STAT1: variants seen among roughly 807,000 people sequenced by gnomAD.
STAT1 encodes signal transducer and activator of transcription 1-alpha/beta.
STAT1 carries 24 observed loss-of-function variants against 111.7 expected under a neutral mutation model. That is an observed-to-expected ratio of 0.21 (90% CI 0.16 to 0.30). STAT1 has a LOEUF of 0.30. STAT1 is among the 10% of genes least tolerant of loss of function. STAT1 has a pLI of 1.00. For missense variants in STAT1, 351 were observed against 911.9 expected (o/e 0.38, Z 7.92); for synonymous variants, 332 against 326.5 (o/e 1.02, Z -0.18).
chr2:190,974,765 G>A lies in STAT1; in HGVS notation c.2238+65C>T, dbSNP rs1691771608. 4.2e-6 allele frequency: 6 copies of A among 1,413,292 alleles called. No individual in the cohort carries two copies. Among genetic ancestry groups the A allele is most frequent in the Non-Finnish European group, 2.0e-6 (2 of 998,260 alleles). The allele number at this position is 1,413,292 out of a possible 1,614,324, so 87.5% of individuals were successfully genotyped here. On this transcript the variant is annotated intron_variant, in intron 24 of 24. Transcript: ENST00000361099. This position sits in a 1 kb window ranked among gnomAD's most constrained non-coding sequence, Gnocchi z 4.8. ...AGACAGGCCCGGGATCTGCCATGGT[G>A]CGCTCCCTGCCTCTGAGCACACACA...
chr2:190,988,733 C>G (rs1693072275), intron 12 of STAT1, among the ~76,000 whole-genome samples: 1 of 151,988 alleles, frequency 6.6e-6, no homozygotes. Flanking sequence ...ACCGATATAC[C>G]AAAGATGATG....
chr2:191,001,298 A>G (rs1694251088), intron 5 of STAT1, 135 bp from the exon 6 acceptor site: 2 of 728,852 alleles, frequency 2.7e-6, no homozygotes, highest in South Asian at 3.0e-5. Flanking sequence ...TTATGTGTCA[A>G]TATGAAATTT....
Position 190,983,489 on chromosome 2 carries a change from A to G in STAT1, c.1446+153T>C, listed in dbSNP as rs1415387295. On this transcript the variant is annotated intron_variant, in intron 17 of 24. Coordinates refer to ENST00000361099, the MANE Select transcript of STAT1 (RefSeq NM_007315.4). This position sits in a 1 kb window ranked among gnomAD's most constrained non-coding sequence, Gnocchi z 5.7. ...TTTCAAATACATATCCATGCTTCAT[A>G]TTCCCAGATTTACTCAAAAGCCTTA... 2.6e-5 allele frequency among the ~76,000 whole-genome samples: 4 copies of G among 152,240 alleles called. No individual in the cohort carries two copies. The highest frequency in any genetic ancestry group is 5.9e-5 in the Non-Finnish European group (4 of 68,040).
Position 190,985,673 on chromosome 2 carries a change from T to C in STAT1, c.1222-13A>G, listed in dbSNP as rs746635798. 13 of 1,613,834 alleles carry C rather than the reference T, an allele frequency of 8.1e-6. No individual in the cohort carries two copies. The South Asian group carries it at 1.4e-4, about 18-fold the overall frequency. On this transcript the variant is annotated splice_polypyrimidine_tract_variant and intron_variant, in intron 14 of 24. Transcript: ENST00000361099. ...GTTCTTTCAATTGCTATAAAACAAA[T>C]AATCATCTTAGTAAACACCATGGTA... is the stretch of plus-strand genomic sequence containing the variant.
At chr2:190,991,788 T>C (rs373502328) in intron 10 of STAT1, among the ~76,000 whole-genome samples, 308 of 151,670 alleles carry the variant, frequency 2.0e-3, no homozygotes, top group African/African-American at 7.2e-3. Context: ...GCCCAGGAGG[T>C]TGAGGCTGAA....
At position 190,974,812 on chromosome 2, in the gene STAT1, G is replaced by A. The variant is rs1369745586; in HGVS notation, c.2238+18C>T. 17 of 1,603,150 alleles carry A rather than the reference G, an allele frequency of 1.1e-5. No homozygotes were observed. The highest frequency in any genetic ancestry group is 1.4e-5 in the Non-Finnish European group (16 of 1,170,266). ...CACACTTATTGAGAGCTACACACAG[G>A]CCAGCCGTGGTACTCACCATACTGT... is the stretch of plus-strand genomic sequence containing the variant. On this transcript the variant is annotated intron_variant, in intron 24 of 24. Transcript: ENST00000361099. This position sits in a 1 kb window ranked among gnomAD's most constrained non-coding sequence, Gnocchi z 4.8.
At position 191,004,971 on chromosome 2, in the gene STAT1, T is replaced by C. The variant is rs1480176586; in HGVS notation, c.372+2592A>G. 6.6e-6 allele frequency among the ~76,000 whole-genome samples: 1 copy of C among 152,230 alleles called. No homozygotes were observed. The highest frequency in any genetic ancestry group is 2.4e-5 in the African/African-American group (1 of 41,458). On this transcript the variant is annotated intron_variant, in intron 5 of 24. Coordinates refer to ENST00000361099, the MANE Select transcript of STAT1 (RefSeq NM_007315.4). The surrounding 1 kb of genome is among the most constrained non-coding windows in gnomAD (Gnocchi z 5.0). ...AAAAAAGAAAGAAAAAAACTTAGTGTGCTGTAAGACAGCACACGAAACATT... is the reference window on the plus strand; with the variant it reads ...AAAAAAGAAAGAAAAAAACTTAGTGCGCTGTAAGACAGCACACGAAACATT...
In STAT1 at chr2:190,990,143, G is replaced by A. The variant is rs115677142; in HGVS notation, c.1038-469C>T. On this transcript the variant is annotated intron_variant, in intron 11 of 24. Coordinates refer to ENST00000361099, the MANE Select transcript of STAT1 (RefSeq NM_007315.4). This position sits in a 1 kb window ranked among gnomAD's most constrained non-coding sequence, Gnocchi z 5.1. ...GCGTCCCATCTATAGTCACCCCAGG[G>A]TAGCATGGAAAGATGGAGGGCAGGT... Among the ~76,000 whole-genome samples the A allele has an allele frequency of 1.3e-5, 2 of 152,170 alleles. No individual in the cohort carries two copies. The highest frequency in any genetic ancestry group is 1.9e-4 in the East Asian group (1 of 5,204).
chr2:190,975,690 C>A lies in STAT1; in HGVS notation c.2135+122G>T. The stretch of plus-strand genomic sequence containing the variant: ...AGTAACACGGGGATCTCAACAAGTT[C>A]AGCTGTGATGGCGATAGCAATTACA... On this transcript the variant is annotated intron_variant, in intron 23 of 24. Coordinates refer to ENST00000361099, the MANE Select transcript of STAT1 (RefSeq NM_007315.4). This position sits in a 1 kb window ranked among gnomAD's most constrained non-coding sequence, Gnocchi z 5.9. The A allele has an allele frequency of 6.5e-7, 1 of 1,528,814 alleles. No homozygotes were observed. The highest frequency in any genetic ancestry group is 8.8e-7 in the Non-Finnish European group (1 of 1,137,842). 94.7% of individuals were successfully genotyped at this position (1,528,814 alleles called of 1,614,324 possible). A position where few individuals can be genotyped will look rare whatever the true frequency, so the allele number is the denominator to read the frequency against.
chr2:190,974,750 G>T lies in STAT1; in HGVS notation c.2238+80C>A. The stretch of plus-strand genomic sequence containing the variant: ...AGGGCTCCCTCCCGCAGACAGGCCC[G>T]GGATCTGCCATGGTGCGCTCCCTGC... On this transcript the variant is annotated intron_variant, in intron 24 of 24. Transcript: ENST00000361099. This position sits in a 1 kb window ranked among gnomAD's most constrained non-coding sequence, Gnocchi z 4.8. The T allele has an allele frequency of 7.8e-7, 1 of 1,282,630 alleles. No individual in the cohort carries two copies. 79.5% of individuals were successfully genotyped at this position (1,282,630 alleles called of 1,614,324 possible).
Position 191,000,968 on chromosome 2 carries a change from C to G in STAT1, c.462+106G>C, listed in dbSNP as rs562876893. The G allele has an allele frequency of 2.2e-5, 22 of 980,288 alleles. No individual in the cohort carries two copies. In the African/African-American group the frequency reaches 3.2e-4, roughly 14 times the overall value. The allele number at this position is 980,288 out of a possible 1,614,324, so 60.7% of individuals were successfully genotyped here. A position where few individuals can be genotyped will look rare whatever the true frequency, so the allele number is the denominator to read the frequency against. On this transcript the variant is annotated intron_variant, in intron 6 of 24. Transcript: ENST00000361099. This position sits in a 1 kb window ranked among gnomAD's most constrained non-coding sequence, Gnocchi z 4.8. The stretch of plus-strand genomic sequence containing the variant: ...TCTGCAAAATTTTTCTTCCCAACTA[C>G]TTAAAAGACTGAACTCAGTTACGAG...
rs1291631033 is a variant in STAT1 at position 191,012,588 on chromosome 2, T to C, written c.-2+937A>G. Among the ~76,000 whole-genome samples the C allele has an allele frequency of 3.9e-5, 6 of 152,168 alleles. No individual in the cohort carries two copies. The highest frequency in any genetic ancestry group is 6.5e-5 in the Admixed American group (1 of 15,270). ...TCCACTCCATCCCAAGACCTGCTCC[T>C]TCCTGTCTCCAACATTCTACCTTCC... is the stretch of plus-strand genomic sequence containing the variant. On this transcript the variant is annotated intron_variant, in intron 2 of 24. Coordinates refer to ENST00000361099, the MANE Select transcript of STAT1 (RefSeq NM_007315.4). The surrounding 1 kb of genome is among the most constrained non-coding windows in gnomAD (Gnocchi z 4.0).
At chr2:191,005,224 G>A (rs1426557450) in intron 5 of STAT1, among the ~76,000 whole-genome samples, 2 of 152,106 alleles carry the variant, frequency 1.3e-5, no homozygotes, top group African/African-American at 2.4e-5. Flanking sequence ...ATTCATGGAT[G>A]GCCTTGTTTC....
In STAT1 at chr2:190,983,763, A is replaced by C. The variant is rs1388779545; in HGVS notation, c.1348-23T>G. 1.9e-6 allele frequency: 3 copies of C among 1,594,588 alleles called. No homozygotes were observed. The highest frequency in any genetic ancestry group is 2.6e-6 in the Non-Finnish European group (3 of 1,162,382). On this transcript the variant is annotated intron_variant, in intron 16 of 24. Transcript: ENST00000361099. This position sits in a 1 kb window ranked among gnomAD's most constrained non-coding sequence, Gnocchi z 5.7. ...CGTCTAAAGGATGACAAAGACCTTG[A>C]AATCATCTGAATCACAGAAATGTCA... is the stretch of plus-strand genomic sequence containing the variant.
Position 190,976,995 on chromosome 2 carries a change from G to A in STAT1, c.1904C>T (p.Thr635Met), listed in dbSNP as rs1691956135. ...EPDFHAVEPY[T>M]KKELSAVTFP... ...AGTAACAGCAGAAAGTTCTTTCTTC[G>A]TGTAGGGTTCAACCGCATGGAAGTC... Residue 635 changes from threonine (T) to methionine (M), a missense_variant, in exon 22 of 25, where the codon ACG (threonine) becomes ATG (methionine). Around this residue, in one of 7 missense-constraint regions of STAT1, gnomAD observed 181 missense variants for 426.1 expected, o/e 0.42. Coordinates refer to ENST00000361099, the MANE Select transcript of STAT1 (RefSeq NM_007315.4). The surrounding 1 kb of genome is among the most constrained non-coding windows in gnomAD (Gnocchi z 6.0). 4.3e-6 allele frequency: 7 copies of A among 1,614,156 alleles called. No homozygotes were observed. Among genetic ancestry groups the A allele is most frequent in the Non-Finnish European group, 5.1e-6 (6 of 1,180,024 alleles).
chr2:190,998,130 A>G lies in STAT1; in HGVS notation c.633+87T>C, dbSNP rs1693989391. 2 of 1,561,912 alleles carry G rather than the reference A, an allele frequency of 1.3e-6. No homozygotes were observed. Among genetic ancestry groups the G allele is most frequent in the Non-Finnish European group, 1.8e-6 (2 of 1,136,362 alleles). The stretch of plus-strand genomic sequence containing the variant: ...AACTGGGGCTCTAAGCCAGGTGGCT[A>G]TAATTTTTCCTCTCTTCTAAACTTT... On this transcript the variant is annotated intron_variant, in intron 8 of 24. Coordinates refer to ENST00000361099, the MANE Select transcript of STAT1 (RefSeq NM_007315.4). The surrounding 1 kb of genome is among the most constrained non-coding windows in gnomAD (Gnocchi z 4.1).
intron 5 of STAT1, among the ~76,000 whole-genome samples, chr2:191,002,483 C>T (rs1318796951): frequency 6.6e-6 from 1 of 152,122 alleles, no homozygotes; most frequent in African/African-American, 2.4e-5. Context: ...GAAGTTGCCT[C>T]GCTACTCTTG....
chr2:191,013,910 G>T, intron 1 of STAT1, 108 bp downstream of exon 1: 1 of 365,852 alleles, frequency 2.7e-6, no homozygotes, highest in East Asian at 3.9e-5. Flanking sequence ...ATCACTATTC[G>T]CGGGTCAGCA....
At position 191,004,977 on chromosome 2, in the gene STAT1, A is replaced by G. The variant is rs1202306433; in HGVS notation, c.372+2586T>C. On this transcript the variant is annotated intron_variant, in intron 5 of 24. Coordinates refer to ENST00000361099, the MANE Select transcript of STAT1 (RefSeq NM_007315.4). The surrounding 1 kb of genome is among the most constrained non-coding windows in gnomAD (Gnocchi z 5.0). Reference sequence around the variant, plus strand: ...GAAAGAAAAAAACTTAGTGTGCTGTAAGACAGCACACGAAACATTTATAGT... The same window carrying G: ...GAAAGAAAAAAACTTAGTGTGCTGTGAGACAGCACACGAAACATTTATAGT... 1.3e-5 allele frequency among the ~76,000 whole-genome samples: 2 copies of G among 152,230 alleles called. No homozygotes were observed. The highest frequency in any genetic ancestry group is 2.9e-5 in the Non-Finnish European group (2 of 68,038).
Sources: gnomAD v4.1 joint callset for allele counts (sites outside exome capture counted in the v4.1 genomes callset) on GRCh38, gnomAD v4.1.1 for gene constraint, gnomAD v4.1.1 regional missense constraint, Gnocchi (gnomAD v3.1) non-coding constraint, MANE v1.5 for transcripts, NCBI Gene and HGNC (gene_info 2026-07-23, HGNC 2026-07-21) for gene names.